Variants in MMUT observed in about 807,000 individuals in gnomAD.
MMUT encodes the protein methylmalonyl-CoA mutase.
Under a neutral mutation model 79.9 loss-of-function variants are expected in MMUT, and 79 were observed. The observed-to-expected ratio is 0.99, with a 90% CI of 0.82 to 1.19. MMUT has a LOEUF of 1.19. MMUT is among the 50% of genes most tolerant of loss of function. The probability of loss-of-function intolerance (pLI) is 0.00; values close to 1 mark genes in which losing one functional copy is unlikely to be tolerated. For missense variants in MMUT, 860 were observed against 917.2 expected, an observed-to-expected ratio of 0.94 and a Z score of 0.81; for synonymous variants, 273 against 295.7, an observed-to-expected ratio of 0.92 and a Z score of 0.79.
At chr6:49,458,469 A>G (rs1339675989) in intron 2 of MMUT, among the ~76,000 whole-genome samples, 2 of 152,242 alleles carry the variant, frequency 1.3e-5, no homozygotes, top group Non-Finnish European at 2.9e-5. Flanking sequence ...TATGGTCACA[A>G]AGGATTCCTG....
rs1394510662 is a variant in MMUT, at chr6:49,457,717, C to A, written c.727G>T (p.Ala243Ser). 2 of 1,611,664 alleles carry A rather than the reference C, an allele frequency of 1.2e-6. No individual in the cohort carries two copies. The highest frequency in any genetic ancestry group is 1.7e-6 in the Non-Finnish European group (2 of 1,179,054). Residue 243 changes from alanine (A) to serine (S), a missense_variant, in exon 3 of 13, where the codon GCT becomes TCT. By Grantham distance (99) the Ala-to-Ser change is moderately conservative (BLOSUM62 1). Transcript: ENST00000274813. The part of the protein sequence containing the change: ...FPPEPSMKII[A>S]DIFEYTAKHM... ...TTTGCTGTATATTCAAATATGTCAG[C>A]AATAATTTTCATGGATGGTTCTGGA...
intron 11 of MMUT, among the ~76,000 whole-genome samples, chr6:49,437,483 T>A (rs1277126872): frequency 2.0e-5 from 3 of 152,164 alleles, no homozygotes; most frequent in African/African-American, 7.2e-5. Context: ...TTTTAGTACT[T>A]ATCACTTTTG....
chr6:49,457,640 T>G, intron 3 of MMUT, 51 bp downstream of exon 3: 1 of 1,493,246 alleles, frequency 6.7e-7, no homozygotes, highest in Non-Finnish European at 9.1e-7. Flanking sequence ...GTTGTAAAAA[T>G]TCCTACATTC....
At position 49,451,612 on chromosome 6, in the gene MMUT, A is replaced by T; in HGVS notation, c.1186T>A (p.Leu396Met). Residue 396 changes from leucine to methionine, a missense_variant, in exon 6 of 13, where the codon TTG (leucine) becomes ATG (methionine). Leu to Met is a conservative substitution (Grantham distance 15, BLOSUM62 2). Coordinates refer to ENST00000274813, the MANE Select transcript of MMUT (RefSeq NM_000255.4). ...HTNSFDEALG[L>M]PTVKSARIAR... ...ATTCGAGCACTTTTCACAGTTGGCAAACCCAAAGCTTCATCAAAAGAATTT... is the reference window on the plus strand; with the variant it reads ...ATTCGAGCACTTTTCACAGTTGGCATACCCAAAGCTTCATCAAAAGAATTT... The T allele has an allele frequency of 6.2e-7, 1 of 1,614,136 alleles. No individual in the cohort carries two copies. Among genetic ancestry groups the T allele is most frequent in the Non-Finnish European group, 8.5e-7 (1 of 1,180,006 alleles).
At chr6:49,451,780 C>A in intron 5 of MMUT, 66 bp from the exon 6 acceptor site, 15 of 1,496,634 alleles carry the variant, frequency 1.0e-5, no homozygotes, top group Non-Finnish European at 1.4e-5. Flanking sequence ...CTATAAACAG[C>A]AACATGATTA....
chr6:49,452,310 T>C (rs1002529950), intron 5 of MMUT, among the ~76,000 whole-genome samples: 1 of 151,972 alleles, frequency 6.6e-6, no homozygotes, highest in Admixed American at 6.6e-5. Flanking sequence ...TTTCTCCATG[T>C]ATTTATTTAT....
At chr6:49,433,013 T>C (rs984053396) in intron 12 of MMUT, among the ~76,000 whole-genome samples, 1 of 152,232 alleles carries the variant, frequency 6.6e-6, no homozygotes, top group South Asian at 2.1e-4. Flanking sequence ...AATACTATAA[T>C]ATTGCAACAG....
intron 10 of MMUT, 45 bp from the exon 11 acceptor site, chr6:49,440,398 C>A (rs781095765): frequency 1.3e-6 from 2 of 1,585,392 alleles, no homozygotes; most frequent in South Asian, 2.2e-5. Context: ...TACTAATTTT[C>A]CAAAGGGAAG....
chr6:49,440,161 T>C, intron 11 of MMUT, 45 bp downstream of exon 11: 2 of 1,606,358 alleles, frequency 1.2e-6, no homozygotes, highest in South Asian at 2.2e-5. Context: ...TAAATGTAAG[T>C]GACTAGTAAA....
chr6:49,459,400 A>G lies in MMUT; in HGVS notation c.67T>C (p.Ser23Pro). 6.2e-7 allele frequency: 1 copy of G among 1,613,598 alleles called. No individual in the cohort carries two copies. Among genetic ancestry groups the G allele is most frequent in the Non-Finnish European group, 8.5e-7 (1 of 1,179,912 alleles). Residue 23 changes from serine (S) to proline (P), a missense_variant, in exon 2 of 13, where the codon TCA (serine) becomes CCA (proline). Transcript: ENST00000274813. The stretch of plus-strand genomic sequence containing the variant: ...CGTTGCTGTATGAGCCTGGAGCCTG[A>G]TGATTCTTTTACCTGCCTCAGGTAA... ...PHYLRQVKES[S>P]GSRLIQQRLL... is the part of the protein sequence containing the mutation.
chr6:49,443,392 G>T (rs1014232945), intron 9 of MMUT, among the ~76,000 whole-genome samples: 2 of 152,086 alleles, frequency 1.3e-5, no homozygotes, highest in Non-Finnish European at 2.9e-5. Context: ...TGTACATGAG[G>T]TATCATCTAG....
intron 5 of MMUT, among the ~76,000 whole-genome samples, chr6:49,452,850 T>C (rs1228957290): frequency 6.6e-6 from 1 of 152,064 alleles, no homozygotes; most frequent in African/African-American, 2.4e-5. Flanking sequence ...GTAAAAACAG[T>C]CTTTAAACAG....
Position 49,447,805 on chromosome 6 carries a change from A to G in MMUT, c.1445-20T>C, listed in dbSNP as rs1277529526. The G allele has an allele frequency of 7.2e-7, 1 of 1,383,126 alleles. No homozygotes were observed. Among genetic ancestry groups the G allele is most frequent in the East Asian group, 2.3e-5 (1 of 43,632 alleles). The allele number at this position is 1,383,126 out of a possible 1,614,324, so 85.7% of individuals were successfully genotyped here. On this transcript the variant is annotated intron_variant, in intron 7 of 12. Coordinates refer to ENST00000274813, the MANE Select transcript of MMUT (RefSeq NM_000255.4). Reference sequence around the variant, plus strand: ...CAGAACCTGGTAATTTCCCAAAGAAAAATTTTATTCACAAATAATTACCTA... The same window carrying G: ...CAGAACCTGGTAATTTCCCAAAGAAGAATTTTATTCACAAATAATTACCTA...
chr6:49,458,947 C>T, intron 2 of MMUT, 135 bp downstream of exon 2: 1 of 912,660 alleles, frequency 1.1e-6, no homozygotes, highest in Non-Finnish European at 1.6e-6. Flanking sequence ...AAAAAATCCA[C>T]TTTTTTCAGA....
intron 3 of MMUT, 29 bp from the exon 4 acceptor site, chr6:49,456,266 A>G: frequency 1.4e-6 from 2 of 1,446,492 alleles, no homozygotes; most frequent in Non-Finnish European, 1.9e-6. Context: ...TGTAACAGTG[A>G]ATAAGTAAAA....
At position 49,444,764 on chromosome 6, in the gene MMUT, A is replaced by ATATGATCTATG. The variant is rs765607098; in HGVS notation, c.1561-11_1561-10insCATAGATCATA. 1.3e-6 allele frequency: 2 copies of ATATGATCTATG among 1,591,634 alleles called. No individual in the cohort carries two copies. Among genetic ancestry groups the ATATGATCTATG allele is most frequent in the Non-Finnish European group, 1.7e-6 (2 of 1,159,902 alleles). On this transcript the variant is annotated splice_polypyrimidine_tract_variant and intron_variant, in intron 8 of 12. Coordinates refer to ENST00000274813, the MANE Select transcript of MMUT (RefSeq NM_000255.4). ...CCCTGCTGGATTTGATCTATGGAAA[A>ATATGATCTATG]AGTCAAGGAAAGGGACAATTTACAT...
At chr6:49,434,395 C>T (rs555541340) in intron 12 of MMUT, among the ~76,000 whole-genome samples, 71 of 152,048 alleles carry the variant, frequency 4.7e-4, no homozygotes, top group African/African-American at 1.7e-3. Flanking sequence ...TCTCCTTTCA[C>T]AAGTAGTATA....
intron 8 of MMUT, among the ~76,000 whole-genome samples, chr6:49,447,066 T>C (rs1206794270): frequency 6.6e-6 from 1 of 152,024 alleles, no homozygotes; most frequent in Non-Finnish European, 1.5e-5. Context: ...TAGTATTTCA[T>C]ATGCTCTGGA....
intron 5 of MMUT, 83 bp downstream of exon 5, chr6:49,453,502 A>G (rs948045201): frequency 3.1e-5 from 20 of 637,954 alleles, no homozygotes; most frequent in Non-Finnish European, 4.3e-5. Flanking sequence ...TCTTAATTCT[A>G]TTTCCTGCTT....
Sources: gnomAD v4.1 joint callset for allele counts (sites outside exome capture counted in the v4.1 genomes callset) on GRCh38, gnomAD v4.1.1 for gene constraint, MANE v1.5 for transcripts, NCBI Gene and HGNC (gene_info 2026-07-23, HGNC 2026-07-21) for gene names.